GALNT11: variants seen among roughly 807,000 people sequenced by gnomAD.
GALNT11 encodes the protein polypeptide N-acetylgalactosaminyltransferase 11, also known as UDP-GalNAc:polypeptide N-acetylgalactosaminyltransferase 11.
In GALNT11, 47 loss-of-function variants were observed where a neutral mutation model predicts 72.7. The ratio of observed to expected loss-of-function variants is 0.65; its 90% CI spans 0.51 to 0.82. The LOEUF is 0.82. Among genes scored for constraint, GALNT11 ranks in the 40% least tolerant of loss-of-function variants. The pLI, the probability that GALNT11 is intolerant of heterozygous loss-of-function variation, is 0.00. For missense variants in GALNT11, 677 were observed against 778.4 expected, an observed-to-expected ratio of 0.87 and a Z score of 1.55; for synonymous variants, 270 against 286.6, an observed-to-expected ratio of 0.94 and a Z score of 0.58.
chr7:152,057,083 C>T lies in GALNT11; in HGVS notation c.-39+31199C>T, dbSNP rs116045615. 6.7e-3 allele frequency among the ~76,000 whole-genome samples: 971 copies of T among 145,108 alleles called. 3 individuals carry two copies. Among genetic ancestry groups the T allele is most frequent in the Non-Finnish European group, 0.012 (797 of 67,116 alleles). On this transcript the variant is annotated intron_variant, in intron 1 of 11. Coordinates refer to ENST00000430044, the MANE Select transcript of GALNT11 (RefSeq NM_022087.4). ...TGTTGCCCAGGCCAGTCTTGAATTCCTGGGCTCAAGCTGTGTGCCTGCTGG... is the reference window on the plus strand; with the variant it reads ...TGTTGCCCAGGCCAGTCTTGAATTCTTGGGCTCAAGCTGTGTGCCTGCTGG...
chr7:152,088,336 G>T (rs1302937960), intron 1 of GALNT11, among the ~76,000 whole-genome samples: 2 of 152,100 alleles, frequency 1.3e-5, no homozygotes, highest in African/African-American at 4.8e-5. Flanking sequence ...GTTAAGAATT[G>T]AGTGTTGAAT....
intron 5 of GALNT11, 61 bp from the exon 6 acceptor site, chr7:152,107,977 G>A (rs2087772063): frequency 1.3e-6 from 2 of 1,552,810 alleles, no homozygotes; most frequent in Admixed American, 1.8e-5. Flanking sequence ...CATTGGACGG[G>A]TGGTTGTACC....
At chr7:152,088,996 A>C (rs1444318323) in intron 1 of GALNT11, among the ~76,000 whole-genome samples, 8 of 152,212 alleles carry the variant, frequency 5.3e-5, no homozygotes. Flanking sequence ...AGACAAAATC[A>C]TACCCTGAGA....
intron 1 of GALNT11, among the ~76,000 whole-genome samples, chr7:152,054,063 A>G (rs994388060): frequency 4.5e-4 from 69 of 152,212 alleles, no homozygotes; most frequent in African/African-American, 1.5e-3. Context: ...TACTTGTTCC[A>G]TTAATCTAAT....
chr7:152,117,708 A>G (rs1036657008), intron 9 of GALNT11: 4 of 292,538 alleles, frequency 1.4e-5, no homozygotes, highest in Non-Finnish European at 2.5e-5. Flanking sequence ...CAAGTGGAGA[A>G]ATGGGGCAGT....
intron 5 of GALNT11, 108 bp from the exon 6 acceptor site, chr7:152,107,930 T>G (rs1587420048): frequency 7.6e-7 from 1 of 1,319,602 alleles, no homozygotes; most frequent in Non-Finnish European, 1.0e-6. Context: ...GCTGGGAGGG[T>G]GGCAGTCGTG....
intron 6 of GALNT11, among the ~76,000 whole-genome samples, chr7:152,108,959 C>T (rs1302990282): frequency 6.6e-6 from 1 of 152,180 alleles, no homozygotes; most frequent in Non-Finnish European, 1.5e-5. Flanking sequence ...GTTCACGTTT[C>T]AGTTATTCCT....
rs146504160 is a variant in GALNT11, at chr7:152,062,747, G to A, written c.-38-31443G>A. Among the ~76,000 whole-genome samples the A allele has an allele frequency of 2.9e-3, 434 of 152,220 alleles. 1 individual carries two copies. The highest frequency in any genetic ancestry group is 1.0e-2 in the African/African-American group (415 of 41,516). On this transcript the variant is annotated intron_variant, in intron 1 of 11. Transcript: ENST00000430044. ...ATCGTGTGGTTTTTGTCTTTGTTCC[G>A]TTTATATGGTAGATTACGTTTATTG...
rs756611484 is a variant in GALNT11 at position 152,113,238 on chromosome 7, C to T, written c.1081-8C>T. 6 of 1,598,618 alleles carry T rather than the reference C, an allele frequency of 3.8e-6. No individual in the cohort carries two copies. The highest frequency in any genetic ancestry group is 4.3e-6 in the Non-Finnish European group (5 of 1,173,828). ...CAACTGTTAACACCTGTTTTTGCTT[C>T]TGGCCAGATCTGGATGTGTGGCGGT... is the stretch of plus-strand genomic sequence containing the variant. On this transcript the variant is annotated splice_polypyrimidine_tract_variant and splice_region_variant and intron_variant, in intron 7 of 11. Coordinates refer to ENST00000430044, the MANE Select transcript of GALNT11 (RefSeq NM_022087.4).
rs1051281993 is a variant in GALNT11, at chr7:152,115,630, C to A, written c.1234-1527C>A. Among the ~76,000 whole-genome samples, 5 of 152,034 alleles carry A rather than the reference C, an allele frequency of 3.3e-5. No homozygotes were observed. The East Asian group carries it at 7.7e-4, about 23-fold the overall frequency. ...CATAGTTACTCGTATTTGGGTAAAACGAACTAAATAATGAAAATGAAAACA... is the reference window on the plus strand; with the variant it reads ...CATAGTTACTCGTATTTGGGTAAAAAGAACTAAATAATGAAAATGAAAACA... On this transcript the variant is annotated intron_variant, in intron 8 of 11. Transcript: ENST00000430044.
rs1271749562 is a variant in GALNT11 at position 152,094,470 on chromosome 7, C to T, written c.243C>T (p.Asp81=). 9 of 1,613,848 alleles carry T rather than the reference C, an allele frequency of 5.6e-6. No individual in the cohort carries two copies. The highest frequency in any genetic ancestry group is 4.0e-5 in the African/African-American group (3 of 74,910). Residue 81 remains aspartate (D), a synonymous_variant, in exon 2 of 12, where the codon GAC becomes GAT. Coordinates refer to ENST00000430044, the MANE Select transcript of GALNT11 (RefSeq NM_022087.4). The surrounding 1 kb of genome is among the most constrained non-coding windows in gnomAD (Gnocchi z 4.3). ...CAAACAAAATTGACGATGTGATAGA[C>T]AGTCGTGTTGAAGATCCAGAAGAAG... ...FKANKIDDVI[D]SRVEDPEEGH...
chr7:152,036,252 G>C (rs1279137755), intron 1 of GALNT11, among the ~76,000 whole-genome samples: 2 of 151,624 alleles, frequency 1.3e-5, no homozygotes, highest in East Asian at 3.9e-4. Context: ...TCCCTTCTCA[G>C]CCTCTGGTAA....
intron 1 of GALNT11, among the ~76,000 whole-genome samples, chr7:152,027,280 A>G (rs183974356): frequency 6.2e-4 from 95 of 152,306 alleles, no homozygotes; most frequent in Non-Finnish European, 8.8e-5. Context: ...TTGTGGGTAC[A>G]TAGTAGGCAT....
chr7:152,046,541 T>A (rs945108687), intron 1 of GALNT11, among the ~76,000 whole-genome samples: 8 of 152,236 alleles, frequency 5.3e-5, no homozygotes, highest in Non-Finnish European at 1.2e-4. Flanking sequence ...GAGTTCTTTA[T>A]CATTATATAA....
intron 1 of GALNT11, among the ~76,000 whole-genome samples, chr7:152,061,948 G>A (rs191523264): frequency 1.1e-4 from 17 of 152,274 alleles, no homozygotes; most frequent in Admixed American, 6.5e-4. Flanking sequence ...GGATTGTCTT[G>A]GCAATGTGGG....
chr7:152,073,000 C>T lies in GALNT11; in HGVS notation c.-38-21190C>T, dbSNP rs141152982. 8.1e-4 allele frequency among the ~76,000 whole-genome samples: 124 copies of T among 152,254 alleles called. 1 individual carries two copies. The East Asian group carries it at 0.021, about 26-fold the overall frequency. ...AACATAGTGTTTACTCTAGAGTTTA[C>T]AATATACATTTTATTTTATTTTTCA... is the stretch of plus-strand genomic sequence containing the variant. On this transcript the variant is annotated intron_variant, in intron 1 of 11. Coordinates refer to ENST00000430044, the MANE Select transcript of GALNT11 (RefSeq NM_022087.4).
At chr7:152,090,354 T>C (rs1470480365) in intron 1 of GALNT11, among the ~76,000 whole-genome samples, 2 of 152,236 alleles carry the variant, frequency 1.3e-5, no homozygotes, top group Non-Finnish European at 2.9e-5. Context: ...TATTATTCTT[T>C]TATGTTCCTT....
At chr7:152,036,049 G>A (rs2082561448) in intron 1 of GALNT11, among the ~76,000 whole-genome samples, 1 of 152,114 alleles carries the variant, frequency 6.6e-6, no homozygotes. Flanking sequence ...GAAGAGGGAG[G>A]AAGTATTCAT....
chr7:152,102,263 G>T (rs887221997), intron 3 of GALNT11, among the ~76,000 whole-genome samples: 1 of 152,122 alleles, frequency 6.6e-6, no homozygotes, highest in Non-Finnish European at 1.5e-5. Context: ...TCTTTATTCG[G>T]CTGGACATGG....
Sources: gnomAD v4.1 joint callset for allele counts (sites outside exome capture counted in the v4.1 genomes callset) on GRCh38, gnomAD v4.1.1 for gene constraint, Gnocchi (gnomAD v3.1) non-coding constraint, MANE v1.5 for transcripts, NCBI Gene and HGNC (gene_info 2026-07-23, HGNC 2026-07-21) for gene names.